The following PLEK variants were observed in gnomAD, a reference collection of about 807,000 sequenced individuals.
PLEK encodes platelet 47 kDa protein.
A neutral mutation model predicts 43.9 loss-of-function variants in PLEK; 25 were observed. The observed-to-expected ratio is 0.57, with a 90% CI of 0.41 to 0.79. PLEK has a LOEUF of 0.79. PLEK is among the 30% of genes least tolerant of loss of function. The probability of loss-of-function intolerance (pLI) is 0.00; values close to 1 mark genes in which losing one functional copy is unlikely to be tolerated. For synonymous variants in PLEK, 152 were observed against 144.4 expected (o/e 1.05, Z -0.38); for missense variants, 396 against 413.3 (o/e 0.96, Z 0.36).
Position 68,382,524 on chromosome 2 carries a change from T to C in PLEK, c.381-18T>C, listed in dbSNP as rs755076185. 2.1e-6 allele frequency: 3 copies of C among 1,427,702 alleles called. No homozygotes were observed. The South Asian group carries it at 3.6e-5, about 17-fold the overall frequency. The allele number at this position is 1,427,702 out of a possible 1,614,324, so 88.4% of individuals were successfully genotyped here. Reference sequence around the variant, plus strand: ...TTTTTTTGTTTGTTTGTTTGTTTGCTTTTTTATCTCTGTGCAGTGCCTTAT... The same window carrying C: ...TTTTTTTGTTTGTTTGTTTGTTTGCCTTTTTATCTCTGTGCAGTGCCTTAT... On this transcript the variant is annotated intron_variant, in intron 3 of 8. Coordinates refer to ENST00000234313, the MANE Select transcript of PLEK (RefSeq NM_002664.3).
intron 1 of PLEK, among the ~76,000 whole-genome samples, chr2:68,371,066 G>T (rs1448101276): frequency 2.0e-5 from 3 of 152,128 alleles, no homozygotes; most frequent in African/African-American, 7.2e-5. Flanking sequence ...GACTAAAGGG[G>T]GAAAAGAGGG....
At chr2:68,369,066 A>T (rs1197732899) in intron 1 of PLEK, among the ~76,000 whole-genome samples, 4 of 152,218 alleles carry the variant, frequency 2.6e-5, no homozygotes, top group Non-Finnish European at 4.4e-5. Flanking sequence ...GCATGAAATA[A>T]TCTGAAGCGA....
intron 2 of PLEK, 21 bp from the exon 3 acceptor site, chr2:68,380,701 TG>T: frequency 6.2e-7 from 1 of 1,609,206 alleles, no homozygotes; most frequent in South Asian, 1.1e-5. Flanking sequence ...CCATTTCTAA[TG>T]GGATGTGTTT....
intron 3 of PLEK, 36 bp from the exon 4 acceptor site, chr2:68,382,503 TTTG>T: frequency 1.3e-5 from 16 of 1,200,412 alleles, no homozygotes; most frequent in Non-Finnish European, 1.7e-5. Context: ...TGGGTTTTTT[TTTG>T]TTTGTTTGTT....
At chr2:68,392,501 TC>T in intron 6 of PLEK, among the ~76,000 whole-genome samples, 1 of 152,230 alleles carries the variant, frequency 6.6e-6, no homozygotes, top group Non-Finnish European at 1.5e-5. Context: ...CCACTAAATC[TC>T]TGTCCACTTT....
At chr2:68,389,056 C>T (rs1231254083) in intron 6 of PLEK, among the ~76,000 whole-genome samples, 1 of 152,132 alleles carries the variant, frequency 6.6e-6, no homozygotes, top group East Asian at 1.9e-4. Context: ...GGGGGATGTC[C>T]AGGTGTCCAC....
At chr2:68,380,302 C>A in intron 1 of PLEK, 26 bp from the exon 2 acceptor site, 1 of 1,591,152 alleles carries the variant, frequency 6.3e-7, no homozygotes, top group Non-Finnish European at 8.6e-7. Flanking sequence ...CCCTGTCCAT[C>A]TCAGCTCTTT....
chr2:68,383,876 G>A (rs537014789), intron 4 of PLEK, among the ~76,000 whole-genome samples: 6 of 152,332 alleles, frequency 3.9e-5, no homozygotes, highest in East Asian at 1.9e-4. Flanking sequence ...ATAGTCCCCC[G>A]TGGGAATAAG....
At chr2:68,378,408 A>T (rs369653297) in intron 1 of PLEK, among the ~76,000 whole-genome samples, 1 of 152,186 alleles carries the variant, frequency 6.6e-6, no homozygotes, top group African/African-American at 2.4e-5. Flanking sequence ...GGCAGGCCGG[A>T]TTCTTCACAA....
At chr2:68,372,995 C>CTT (rs141732432) in intron 1 of PLEK, among the ~76,000 whole-genome samples, 1 of 151,918 alleles carries the variant, frequency 6.6e-6, no homozygotes, top group African/African-American at 2.4e-5. Flanking sequence ...TGGGCCTCCA[C>CTT]TTTTTTTTAT....
At position 68,373,084 on chromosome 2, in the gene PLEK, C is replaced by T. The variant is rs1411830840; in HGVS notation, c.43-7244C>T. 2.0e-5 allele frequency among the ~76,000 whole-genome samples: 3 copies of T among 152,100 alleles called. No homozygotes were observed. In the East Asian group the frequency reaches 5.8e-4, roughly 29 times the overall value. On this transcript the variant is annotated intron_variant, in intron 1 of 8. Coordinates refer to ENST00000234313, the MANE Select transcript of PLEK (RefSeq NM_002664.3). ...TTCCATAATCACACTTCCAGGTTTGCTCTTGGGTGAGCATCAAGTGGGTTG... is the reference window on the plus strand; with the variant it reads ...TTCCATAATCACACTTCCAGGTTTGTTCTTGGGTGAGCATCAAGTGGGTTG...
At chr2:68,365,498 AC>A in intron 1 of PLEK, 105 bp downstream of exon 1, 1 of 947,004 alleles carries the variant, frequency 1.1e-6, no homozygotes, top group Non-Finnish European at 1.7e-6. Context: ...TTCCTGTTCA[AC>A]CAGTTGGGTT....
intron 5 of PLEK, chr2:68,388,143 A>T: frequency 2.4e-6 from 1 of 409,988 alleles, no homozygotes; most frequent in Admixed American, 3.9e-5. Flanking sequence ...CCTCCAGAAT[A>T]AAAGGATATT....
intron 4 of PLEK, 62 bp downstream of exon 4, chr2:68,382,695 G>A (rs1341112189): frequency 1.1e-6 from 1 of 934,694 alleles, no homozygotes; most frequent in Non-Finnish European, 1.8e-6. Flanking sequence ...TCCTCCTTCG[G>A]CCTCGTCTGT....
intron 1 of PLEK, among the ~76,000 whole-genome samples, chr2:68,367,364 T>A (rs1673299913): frequency 6.6e-6 from 1 of 152,202 alleles, no homozygotes; most frequent in South Asian, 2.1e-4. Context: ...GATCATTTTG[T>A]TACCTAAGTA....
chr2:68,384,316 G>T (rs370186062), intron 4 of PLEK, among the ~76,000 whole-genome samples: 1 of 151,976 alleles, frequency 6.6e-6, no homozygotes, highest in East Asian at 1.9e-4. Flanking sequence ...TCTGCCGCCC[G>T]GGTTCAAGCG....
At position 68,365,382 on chromosome 2, in the gene PLEK, C is replaced by G; in HGVS notation, c.31C>G (p.Leu11Val). MEPKRIREGY[L>V]VKKGSVFNTW... is the part of the protein sequence containing the mutation. ...ACCAAAGCGGATCAGAGAGGGCTAC[C>G]TTGTGAAGAAGGTGAGCGAAGGTGC... The change falls in exon 1 of 9, where the codon CTT (leucine) becomes GTT (valine). Residue 11 changes from leucine to valine, a missense_variant. Transcript: ENST00000234313. The G allele has an allele frequency of 6.2e-7, 1 of 1,613,794 alleles. No homozygotes were observed. The highest frequency in any genetic ancestry group is 8.5e-7 in the Non-Finnish European group (1 of 1,179,718).
At chr2:68,372,477 A>G (rs1026665454) in intron 1 of PLEK, among the ~76,000 whole-genome samples, 14 of 152,096 alleles carry the variant, frequency 9.2e-5, no homozygotes, top group African/African-American at 3.1e-4. Flanking sequence ...CGCCCAGCCG[A>G]GAAGTTTATT....
At chr2:68,375,129 G>A (rs1214239616) in intron 1 of PLEK, among the ~76,000 whole-genome samples, 1 of 152,108 alleles carries the variant, frequency 6.6e-6, no homozygotes, top group African/African-American at 2.4e-5. Flanking sequence ...TTCTGCACTG[G>A]ATGTGATATT....
Sources: allele counts gnomAD v4.1 joint callset (sites outside exome capture counted in the v4.1 genomes callset), GRCh38; gene constraint gnomAD v4.1.1; transcripts MANE v1.5; gene names NCBI Gene and HGNC (gene_info 2026-07-23, HGNC 2026-07-21).